The following COL22A1 variants were observed in gnomAD, a reference collection of about 807,000 sequenced individuals.
COL22A1 encodes collagen type XXII alpha 1 chain, also known as collagen alpha-1(XXII) chain.
In COL22A1, 221 loss-of-function variants were observed where a neutral mutation model predicts 248.9. That is an observed-to-expected ratio of 0.89 (90% CI 0.80 to 0.99). The LOEUF is 0.99. COL22A1 is among the 50% of genes least tolerant of loss of function. The pLI is 0.00. For synonymous variants in COL22A1, 891 were observed against 793.4 expected (o/e 1.12, Z -2.07); for missense variants, 2,240 against 2,179.0 (o/e 1.03, Z -0.56).
intron 41 of COL22A1, among the ~76,000 whole-genome samples, chr8:138,664,477 G>T (rs548427521): frequency 6.6e-6 from 1 of 152,070 alleles, no homozygotes; most frequent in Non-Finnish European, 1.5e-5. Context: ...CTGCCTTTCT[G>T]CCTGGAAACA....
chr8:138,784,178 G>A (rs1815293617), intron 12 of COL22A1, among the ~76,000 whole-genome samples: 1 of 152,200 alleles, frequency 6.6e-6, no homozygotes, highest in African/African-American at 2.4e-5. Flanking sequence ...GGCAAGTGTT[G>A]TATTTAGGGG....
chr8:138,651,217 A>G (rs565883347), intron 45 of COL22A1, among the ~76,000 whole-genome samples: 1 of 152,158 alleles, frequency 6.6e-6, no homozygotes, highest in Non-Finnish European at 1.5e-5. Context: ...GCTCCCAGAA[A>G]TCTCAGGAAT....
chr8:138,887,520 T>C (rs1480593201), intron 1 of COL22A1, among the ~76,000 whole-genome samples: 4 of 152,154 alleles, frequency 2.6e-5, no homozygotes, highest in Non-Finnish European at 4.4e-5. Context: ...ACCCGGCCAG[T>C]CTCTCTTAAC....
At chr8:138,775,284 G>A (rs922163323) in intron 16 of COL22A1, among the ~76,000 whole-genome samples, 7 of 152,172 alleles carry the variant, frequency 4.6e-5, no homozygotes, top group African/African-American at 1.7e-4. Flanking sequence ...CTGGGTGGGA[G>A]TTGCAGTGGT....
chr8:138,647,287 C>G (rs1448308147), intron 46 of COL22A1, among the ~76,000 whole-genome samples: 1 of 152,192 alleles, frequency 6.6e-6, no homozygotes, highest in Non-Finnish European at 1.5e-5. Context: ...ATGACTGCAG[C>G]TCAGGGCTTG....
At chr8:138,828,268 A>G (rs760464503) in intron 5 of COL22A1, among the ~76,000 whole-genome samples, 8 of 151,980 alleles carry the variant, frequency 5.3e-5, no homozygotes, top group Non-Finnish European at 7.4e-5. Context: ...CCTAGACAAC[A>G]CATATGTGGG....
intron 60 of COL22A1, 30 bp downstream of exon 60, chr8:138,602,085 G>A (rs371313305): frequency 1.3e-4 from 213 of 1,613,536 alleles, no homozygotes; most frequent in Non-Finnish European, 1.5e-4. Flanking sequence ...CGCGTTCGGC[G>A]TGTTCAAGGT....
In COL22A1 at chr8:138,727,658, A is replaced by T. The variant is rs139348504; in HGVS notation, c.2140-2218T>A. On this transcript the variant is annotated intron_variant, in intron 23 of 64. Coordinates refer to ENST00000303045, the MANE Select transcript of COL22A1 (RefSeq NM_152888.3). ...CCCGTGAGTCAGAAAACAGGCATAG[A>T]CCAGGACCATTTACTGAACAGGATT... Among the ~76,000 whole-genome samples the T allele has an allele frequency of 6.3e-4, 96 of 152,162 alleles. No individual in the cohort carries two copies. The East Asian group carries it at 0.016, about 26-fold the overall frequency.
At chr8:138,698,294 C>T (rs1278730121) in intron 32 of COL22A1, among the ~76,000 whole-genome samples, 2 of 152,192 alleles carry the variant, frequency 1.3e-5, no homozygotes, top group Non-Finnish European at 2.9e-5. Flanking sequence ...GCGGTACAGA[C>T]GCTCCATCCA....
At chr8:138,642,034 C>T (rs1055154782) in intron 47 of COL22A1, among the ~76,000 whole-genome samples, 4 of 152,100 alleles carry the variant, frequency 2.6e-5, no homozygotes, top group African/African-American at 9.7e-5. Context: ...CACATTTAAC[C>T]CTTCTGTGAT....
In COL22A1 at chr8:138,767,512, TAGG is replaced by T. The variant is rs1273335379; in HGVS notation, c.1804-5049_1804-5047del. On this transcript the variant is annotated intron_variant, in intron 16 of 64. Coordinates refer to ENST00000303045, the MANE Select transcript of COL22A1 (RefSeq NM_152888.3). ...CAAAAAAGGAAAAAGCCAGCTGTAT[TAGG>T]AGAACTCTACTCTGATTCTCATATC... is the stretch of plus-strand genomic sequence containing the variant. 3.3e-5 allele frequency among the ~76,000 whole-genome samples: 5 copies of T among 152,214 alleles called. 1 individual carries two copies. Among genetic ancestry groups the T allele is most frequent in the Middle Eastern group, 6.8e-3 (2 of 294 alleles).
In COL22A1 at chr8:138,646,815, G is replaced by T; in HGVS notation, c.3448-133C>A. On this transcript the variant is annotated intron_variant, in intron 46 of 64. Coordinates refer to ENST00000303045, the MANE Select transcript of COL22A1 (RefSeq NM_152888.3). ...ACTGGGACTTCCGTCAGCTACCCCT[G>T]CCCCTAGCCTGTCTGAGCAAAGGGT... is the stretch of plus-strand genomic sequence containing the variant. The T allele has an allele frequency of 7.9e-6, 5 of 633,808 alleles. No homozygotes were observed. The South Asian group carries it at 1.1e-4, about 14-fold the overall frequency. 39.3% of individuals were successfully genotyped at this position (633,808 alleles called of 1,614,324 possible). A position where few individuals can be genotyped will look rare whatever the true frequency, so the allele number is the denominator to read the frequency against.
At chr8:138,603,723 C>G (rs552157847) in intron 59 of COL22A1, among the ~76,000 whole-genome samples, 1 of 152,256 alleles carries the variant, frequency 6.6e-6, no homozygotes, top group South Asian at 2.1e-4. Context: ...GTGAGTGGCA[C>G]CCTATGGCTG....
At chr8:138,699,836 A>T (rs941476433) in intron 32 of COL22A1, among the ~76,000 whole-genome samples, 2 of 152,228 alleles carry the variant, frequency 1.3e-5, no homozygotes, top group African/African-American at 4.8e-5. Flanking sequence ...GTGTTACTGA[A>T]GAATTAACTT....
chr8:138,674,677 T>C (rs1009210999), intron 41 of COL22A1, among the ~76,000 whole-genome samples: 1 of 152,158 alleles, frequency 6.6e-6, no homozygotes, highest in African/African-American at 2.4e-5. Context: ...CTGTAAGGGC[T>C]GATAAGGTGA....
At chr8:138,598,935 G>A in intron 60 of COL22A1, 37 bp from the exon 61 acceptor site, 1 of 1,607,548 alleles carries the variant, frequency 6.2e-7, no homozygotes, top group Non-Finnish European at 8.5e-7. Flanking sequence ...TGTGTCTCAG[G>A]GCTGGAAGCT....
intron 10 of COL22A1, among the ~76,000 whole-genome samples, chr8:138,805,993 GGTGTGT>G (rs1215810832): frequency 1.8e-4 from 12 of 67,192 alleles, no homozygotes; most frequent in Non-Finnish European, 2.1e-4. Context: ...TGTGTGTGAT[GGTGTGT>G]GTGTGTGACG....
At chr8:138,824,936 TTCATCCCATTAC>T (rs1237307851) in intron 6 of COL22A1, among the ~76,000 whole-genome samples, 1 of 152,194 alleles carries the variant, frequency 6.6e-6, no homozygotes, top group Non-Finnish European at 1.5e-5. Flanking sequence ...TCTGTGGTAT[TTCATCCCATTAC>T]TCATTTTGAC....
intron 11 of COL22A1, among the ~76,000 whole-genome samples, chr8:138,799,446 C>A (rs1392738123): frequency 6.6e-6 from 1 of 152,168 alleles, no homozygotes; most frequent in Non-Finnish European, 1.5e-5. Context: ...TGGATATTGA[C>A]ACTTCCCTTA....
Sources: allele counts gnomAD v4.1 joint callset (sites outside exome capture counted in the v4.1 genomes callset), GRCh38; gene constraint gnomAD v4.1.1; transcripts MANE v1.5; gene names NCBI Gene and HGNC (gene_info 2026-07-23, HGNC 2026-07-21).